VTI1A: variants seen among roughly 807,000 people sequenced by gnomAD.
VTI1A encodes the protein vesicle transport through interaction with t-SNAREs 1A, also known as vesicle transport through interaction with t-SNAREs homolog 1A.
A neutral mutation model predicts 34.9 loss-of-function variants in VTI1A; 22 were observed. That is an observed-to-expected ratio of 0.63 (90% CI 0.45 to 0.90). The LOEUF (loss-of-function observed/expected upper bound fraction) is 0.90. VTI1A is among the 40% of genes least tolerant of loss of function. VTI1A has a pLI of 0.00. For synonymous variants in VTI1A, 87 were observed against 97.3 expected (o/e 0.89, Z 0.62); for missense variants, 268 against 275.6 (o/e 0.97, Z 0.20).
At chr10:112,573,748 A>G (rs1470047240) in intron 5 of VTI1A, among the ~76,000 whole-genome samples, 3 of 152,210 alleles carry the variant, frequency 2.0e-5, no homozygotes, top group Non-Finnish European at 4.4e-5. Context: ...AGGTAGACCC[A>G]AGATCTAGTT....
chr10:112,479,807 G>A (rs1848404578), intron 3 of VTI1A, among the ~76,000 whole-genome samples: 1 of 152,186 alleles, frequency 6.6e-6, no homozygotes. Flanking sequence ...CCCCTAGGAA[G>A]AGGGTGCATT....
At chr10:112,524,337 T>C (rs1225272053) in intron 3 of VTI1A, among the ~76,000 whole-genome samples, 1 of 152,180 alleles carries the variant, frequency 6.6e-6, no homozygotes, top group Non-Finnish European at 1.5e-5. Flanking sequence ...TTCAGCATTG[T>C]TGTGTCGTGC....
intron 5 of VTI1A, among the ~76,000 whole-genome samples, chr10:112,591,019 T>C (rs550851942): frequency 1.4e-3 from 220 of 152,262 alleles, no homozygotes; most frequent in African/African-American, 5.1e-3. Flanking sequence ...GAGAATCGCT[T>C]GAACGCAGGA....
intron 7 of VTI1A, among the ~76,000 whole-genome samples, chr10:112,682,141 C>T (rs1848237172): frequency 6.6e-6 from 1 of 152,034 alleles, no homozygotes; most frequent in African/African-American, 2.4e-5. Context: ...TTTATTTATT[C>T]ACTGGGGTTT....
chr10:112,830,221 G>A, the VTI1A span, among the ~76,000 whole-genome samples: 3 of 152,046 alleles, frequency 2.0e-5, no homozygotes, highest in Admixed American at 6.5e-5. Flanking sequence ...CTCTGACTTG[G>A]CATAGCCTTT....
intron 3 of VTI1A, among the ~76,000 whole-genome samples, chr10:112,472,371 C>T (rs1210379872): frequency 6.6e-6 from 1 of 152,146 alleles, no homozygotes; most frequent in Non-Finnish European, 1.5e-5. Context: ...TCCTAGAAAT[C>T]CAACTACCTG....
chr10:112,689,685 G>C (rs1413291126), intron 7 of VTI1A, among the ~76,000 whole-genome samples: 9 of 152,038 alleles, frequency 5.9e-5, no homozygotes, highest in Non-Finnish European at 1.3e-4. Context: ...TGAGACCAGA[G>C]GTTGAAAACT....
chr10:112,693,203 G>A (rs1466692419), intron 7 of VTI1A, among the ~76,000 whole-genome samples: 1 of 152,148 alleles, frequency 6.6e-6, no homozygotes, highest in Non-Finnish European at 1.5e-5. Context: ...TTCCCCTAAT[G>A]TTAAGGGGAA....
chr10:112,640,262 A>G lies in VTI1A; in HGVS notation c.428-27956A>G, dbSNP rs909430865. ...GACATCTTTAATAGCAATATCTATC[A>G]ATGCCATTAAAATATTATCTATCTA... On this transcript the variant is annotated intron_variant, in intron 5 of 7. Coordinates refer to ENST00000393077, the MANE Select transcript of VTI1A (RefSeq NM_145206.4). Among the ~76,000 whole-genome samples, 3 of 152,212 alleles carry G rather than the reference A, an allele frequency of 2.0e-5. No individual in the cohort carries two copies. The South Asian group carries it at 6.2e-4, about 31-fold the overall frequency.
chr10:112,810,951 C>T (rs1408269338), intron 7 of VTI1A, among the ~76,000 whole-genome samples: 1 of 105,386 alleles, frequency 9.5e-6, no homozygotes, highest in East Asian at 4.2e-4. Context: ...ACCTGTTCTT[C>T]AAGAAAAAAA....
chr10:112,549,003 C>A, intron 5 of VTI1A: 2 of 607,040 alleles, frequency 3.3e-6, no homozygotes, highest in South Asian at 2.0e-5. Flanking sequence ...GCCTTCTCTT[C>A]AAGAAATATT....
the VTI1A span, among the ~76,000 whole-genome samples, chr10:112,830,737 C>T: frequency 6.8e-6 from 1 of 147,072 alleles, no homozygotes; most frequent in Non-Finnish European, 1.5e-5. Context: ...TTTTCATTAA[C>T]ATGCTGCTGT....
At chr10:112,697,472 C>T (rs1367659659) in intron 7 of VTI1A, among the ~76,000 whole-genome samples, 1 of 150,148 alleles carries the variant, frequency 6.7e-6, no homozygotes, top group Non-Finnish European at 1.5e-5. Context: ...TCTCAGCTCA[C>T]TGCAACTTCT....
chr10:112,827,786 T>C, the VTI1A span: 4 of 152,234 alleles, frequency 2.6e-5, no homozygotes, highest in African/African-American at 9.6e-5. Flanking sequence ...TCCTTTCTAA[T>C]TGAAGGTTAG....
chr10:112,777,978 T>C (rs1305211064), intron 7 of VTI1A, among the ~76,000 whole-genome samples: 1 of 152,072 alleles, frequency 6.6e-6, no homozygotes, highest in Non-Finnish European at 1.5e-5. Context: ...GGCGCATGCA[T>C]GTAATCCCAG....
intron 7 of VTI1A, chr10:112,737,078 C>CTT (rs903794612): frequency 3.3e-4 from 100 of 307,138 alleles, no homozygotes; most frequent in Middle Eastern, 9.5e-4. Flanking sequence ...TTTTCTTTTT[C>CTT]TTTTTTTTTT....
chr10:112,838,178 C>A, the VTI1A span, among the ~76,000 whole-genome samples: 1 of 152,156 alleles, frequency 6.6e-6, no homozygotes, highest in Admixed American at 6.5e-5. Context: ...GCCAAGCCCG[C>A]AAGGCAGGTG....
At chr10:112,611,901 C>T (rs1589972648) in intron 5 of VTI1A, among the ~76,000 whole-genome samples, 1 of 151,868 alleles carries the variant, frequency 6.6e-6, no homozygotes, top group South Asian at 2.1e-4. Flanking sequence ...GCCACCATGC[C>T]CAGCTAATGT....
At chr10:112,543,112 A>G (rs1850931820) in intron 5 of VTI1A, among the ~76,000 whole-genome samples, 1 of 152,134 alleles carries the variant, frequency 6.6e-6, no homozygotes, top group Non-Finnish European at 1.5e-5. Flanking sequence ...AGTCTTTGCT[A>G]TTGTGAATAG....
Sources: gnomAD v4.1 joint callset for allele counts (sites outside exome capture counted in the v4.1 genomes callset) on GRCh38, gnomAD v4.1.1 for gene constraint, MANE v1.5 for transcripts, NCBI Gene and HGNC (gene_info 2026-07-23, HGNC 2026-07-21) for gene names.